Variants in SNTG1 observed in about 807,000 individuals in gnomAD.
The protein encoded by SNTG1 is gamma-1-syntrophin.
Under a neutral mutation model 74.7 loss-of-function variants are expected in SNTG1, and 39 were observed. The observed-to-expected ratio is 0.52, with a 90% confidence interval of 0.40 to 0.68. The LOEUF (loss-of-function observed/expected upper bound fraction) is 0.68. Ranked by LOEUF, SNTG1 falls within the 30% of genes least tolerant of loss-of-function variation. The pLI is 0.00. For synonymous variants in SNTG1, 254 were observed against 217.1 expected, an observed-to-expected ratio of 1.17 and a Z score of -1.49; for missense variants, 685 against 609.5, an observed-to-expected ratio of 1.12 and a Z score of -1.30.
intron 2 of SNTG1, among the ~76,000 whole-genome samples, chr8:50,257,813 T>C (rs6985348): frequency 0.9 from 137,128 of 152,218 alleles, 63,019 homozygotes; most frequent in East Asian, 1. Flanking sequence ...CAAATGGAGC[T>C]CCAAACTTAA....
chr8:50,701,747 CCTTCTTCTCCTT>C (rs1436738843), intron 15 of SNTG1, among the ~76,000 whole-genome samples: 4 of 22,798 alleles, frequency 1.8e-4, no homozygotes, highest in South Asian at 1.5e-3. Context: ...TTTTTCTTCT[CCTTCTTCTCCTT>C]CTTCTTCTTC....
intron 2 of SNTG1, among the ~76,000 whole-genome samples, chr8:50,173,645 G>A (rs1269009751): frequency 6.6e-6 from 1 of 152,062 alleles, no homozygotes; most frequent in East Asian, 1.9e-4. Context: ...ACTATGGCAA[G>A]TTCTGAGGCA....
At chr8:50,578,130 CTCT>C (rs2094587358) in intron 12 of SNTG1, among the ~76,000 whole-genome samples, 1 of 152,180 alleles carries the variant, frequency 6.6e-6, no homozygotes, top group South Asian at 2.1e-4. Context: ...AGACACATGT[CTCT>C]TCTTAAGGAT....
chr8:50,171,450 T>G (rs2082804711), intron 1 of SNTG1, among the ~76,000 whole-genome samples: 1 of 152,128 alleles, frequency 6.6e-6, no homozygotes, highest in Non-Finnish European at 1.5e-5. Context: ...TTCATGGTTT[T>G]CTGCCTGCTT....
chr8:50,511,546 G>T (rs1283618796), intron 9 of SNTG1, among the ~76,000 whole-genome samples: 2 of 152,148 alleles, frequency 1.3e-5, no homozygotes, highest in South Asian at 2.1e-4. Context: ...TTGTGTGGGA[G>T]TCTAAGTCTC....
intron 1 of SNTG1, among the ~76,000 whole-genome samples, chr8:49,971,420 G>A (rs1194091853): frequency 2.0e-5 from 3 of 152,078 alleles, no homozygotes; most frequent in Non-Finnish European, 4.4e-5. Flanking sequence ...ATACTGAATG[G>A]GCAAAAACTG....
At chr8:50,788,011 G>A (rs551595618) in intron 18 of SNTG1, among the ~76,000 whole-genome samples, 1 of 151,964 alleles carries the variant, frequency 6.6e-6, no homozygotes, top group African/African-American at 2.4e-5. Flanking sequence ...TCTCCCTAAG[G>A]CTGCTGCAGA....
chr8:50,669,300 C>T (rs954833461), intron 15 of SNTG1, among the ~76,000 whole-genome samples: 1 of 150,796 alleles, frequency 6.6e-6, no homozygotes, highest in African/African-American at 2.4e-5. Flanking sequence ...ACTAGCTAGA[C>T]TAATAAAGAA....
intron 4 of SNTG1, among the ~76,000 whole-genome samples, chr8:50,416,105 T>A (rs2093010337): frequency 6.6e-6 from 1 of 152,220 alleles, no homozygotes. Flanking sequence ...TCTCTTCATC[T>A]GTGACAGCAG....
rs78998237 is a variant in SNTG1 at position 50,269,279 on chromosome 8, G to A, written c.-28+96644G>A. On this transcript the variant is annotated intron_variant, in intron 2 of 18. Transcript: ENST00000642720. ...ATTCACCATATAAAATACCTGTTTA[G>A]GAAAAGACAAACTACAGGTTGAAAG... Among the ~76,000 whole-genome samples the A allele has an allele frequency of 8.7e-3, 1,328 of 152,022 alleles. 24 individuals are homozygous for A. The highest frequency in any genetic ancestry group is 0.031 in the African/African-American group (1,283 of 41,470).
At chr8:50,256,965 G>A (rs923018218) in intron 2 of SNTG1, among the ~76,000 whole-genome samples, 8 of 152,114 alleles carry the variant, frequency 5.3e-5, no homozygotes, top group Non-Finnish European at 2.9e-5. Flanking sequence ...TGTGATGGAA[G>A]AGCTATTCTG....
intron 8 of SNTG1, among the ~76,000 whole-genome samples, chr8:50,470,471 G>A (rs1222597111): frequency 6.6e-6 from 1 of 152,100 alleles, no homozygotes; most frequent in Non-Finnish European, 1.5e-5. Context: ...CCTTCTGGTG[G>A]GTTCATGGTC....
chr8:50,723,088 C>T (rs1014980780), intron 17 of SNTG1, among the ~76,000 whole-genome samples: 3 of 152,056 alleles, frequency 2.0e-5, no homozygotes, highest in African/African-American at 7.2e-5. Flanking sequence ...GACTATCGTG[C>T]TAATGAAGCT....
intron 13 of SNTG1, among the ~76,000 whole-genome samples, chr8:50,593,517 C>A (rs547016157): frequency 2.0e-5 from 3 of 151,916 alleles, no homozygotes; most frequent in South Asian, 4.2e-4. Flanking sequence ...GTAAAAAAAA[C>A]CAAACAGGAG....
intron 1 of SNTG1, among the ~76,000 whole-genome samples, chr8:49,972,934 A>T (rs565161361): frequency 6.6e-6 from 1 of 152,286 alleles, no homozygotes; most frequent in Admixed American, 6.5e-5. Flanking sequence ...AACTAATTCA[A>T]CCATTGTGGA....
chr8:50,665,023 T>C (rs560479389), intron 15 of SNTG1, among the ~76,000 whole-genome samples: 2 of 152,256 alleles, frequency 1.3e-5, no homozygotes, highest in African/African-American at 4.8e-5. Flanking sequence ...ATGACAGAGA[T>C]TATTTTTTTA....
At chr8:50,311,105 C>T (rs1022705890) in intron 2 of SNTG1, among the ~76,000 whole-genome samples, 1 of 152,240 alleles carries the variant, frequency 6.6e-6, no homozygotes, top group African/African-American at 2.4e-5. Context: ...TTCCTATCAA[C>T]TTAAAATTAC....
At position 50,169,937 on chromosome 8, in the gene SNTG1, G is replaced by A. The variant is rs143048301; in HGVS notation, c.-102-2624G>A. ...GCACTCTAGTCTTGATGACAGAGTG[G>A]GACCCCATGTGTAAAATAATAATAA... is the stretch of plus-strand genomic sequence containing the variant. On this transcript the variant is annotated intron_variant, in intron 1 of 18. Transcript: ENST00000642720. 9.0e-3 allele frequency among the ~76,000 whole-genome samples: 1,373 copies of A among 152,106 alleles called. 24 individuals carry two copies. Among genetic ancestry groups the A allele is most frequent in the African/African-American group, 0.032 (1,319 of 41,500 alleles).
At position 50,024,732 on chromosome 8, in the gene SNTG1, T is replaced by C. The variant is rs575146564; in HGVS notation, c.-103+112501T>C. Among the ~76,000 whole-genome samples, 18 of 152,286 alleles carry C rather than the reference T, an allele frequency of 1.2e-4. 2 individuals are homozygous for C. Among genetic ancestry groups the C allele is most frequent in the African/African-American group, 4.3e-4 (18 of 41,560 alleles). On this transcript the variant is annotated intron_variant, in intron 1 of 18. Coordinates refer to ENST00000642720, the MANE Select transcript of SNTG1 (RefSeq NM_018967.5). ...TACTATAATAAAAGTTAGTGAACGT[T>C]GTCTCTCTCTCGAGATATTTTATTG...
Sources: allele counts gnomAD v4.1 joint callset (sites outside exome capture counted in the v4.1 genomes callset), GRCh38; gene constraint gnomAD v4.1.1; transcripts MANE v1.5; gene names NCBI Gene and HGNC (gene_info 2026-07-23, HGNC 2026-07-21).